GJB7: variants seen among roughly 807,000 people sequenced by gnomAD.
The protein encoded by GJB7 is gap junction protein beta 7, also known as gap junction beta-7 protein.
For missense variants in GJB7, 253 were observed against 256.8 expected, an observed-to-expected ratio of 0.99 and a Z score of 0.10; for synonymous variants, 87 against 95.2, an observed-to-expected ratio of 0.91 and a Z score of 0.50.
chr6:87,324,890 TC>T, intron 1 of GJB7, among the ~76,000 whole-genome samples: 1 of 152,362 alleles, frequency 6.6e-6, no homozygotes, highest in South Asian at 2.1e-4. Context: ...TGTTGATTCT[TC>T]CTACGCATGA....
At chr6:87,328,627 G>A (rs1051826238) in intron 1 of GJB7, among the ~76,000 whole-genome samples, 7 of 152,168 alleles carry the variant, frequency 4.6e-5, no homozygotes, top group African/African-American at 7.2e-5. Flanking sequence ...CTCCAGCTGC[G>A]TGCTGGGAGA....
chr6:87,305,479 G>A (rs186621691), intron 2 of GJB7, among the ~76,000 whole-genome samples: 5 of 152,174 alleles, frequency 3.3e-5, no homozygotes, highest in African/African-American at 1.2e-4. Flanking sequence ...GGGATGTGAA[G>A]GACCTCTTCA....
At chr6:87,297,939 G>A (rs144284256) in intron 2 of GJB7, among the ~76,000 whole-genome samples, 43 of 152,344 alleles carry the variant, frequency 2.8e-4, no homozygotes, top group African/African-American at 1.0e-3. Context: ...CCAGAGAAGG[G>A]CTTGTCTTGG....
At chr6:87,325,173 C>T (rs930555318) in intron 1 of GJB7, among the ~76,000 whole-genome samples, 1 of 152,128 alleles carries the variant, frequency 6.6e-6, no homozygotes, top group African/African-American at 2.4e-5. Context: ...TGGGCTGAGA[C>T]AATGGGGTTT....
chr6:87,308,596 T>G (rs976422218), intron 2 of GJB7, among the ~76,000 whole-genome samples: 8 of 152,110 alleles, frequency 5.3e-5, no homozygotes, highest in African/African-American at 1.9e-4. Context: ...ATATAAATCC[T>G]CAGAGTCCAA....
chr6:87,300,053 A>G, intron 2 of GJB7: 1 of 331,304 alleles, frequency 3.0e-6, no homozygotes, highest in Non-Finnish European at 5.9e-6. Flanking sequence ...GCTGCTGTTG[A>G]AGAAGGCATT....
chr6:87,313,232 AG>A (rs1256787929), intron 2 of GJB7, among the ~76,000 whole-genome samples: 3 of 152,218 alleles, frequency 2.0e-5, no homozygotes, highest in African/African-American at 7.2e-5. Context: ...AGGAGAAGAA[AG>A]GGGATAAAAA....
intron 2 of GJB7, among the ~76,000 whole-genome samples, chr6:87,319,152 ATAT>A (rs1473323011): frequency 5.3e-5 from 8 of 152,248 alleles, no homozygotes; most frequent in African/African-American, 1.2e-4. Context: ...TCTCCTGGAA[ATAT>A]TATTAAATAT....
At chr6:87,313,333 T>G (rs973617355) in intron 2 of GJB7, among the ~76,000 whole-genome samples, 7 of 152,222 alleles carry the variant, frequency 4.6e-5, no homozygotes, top group African/African-American at 1.7e-4. Context: ...TGGGACACCC[T>G]TTTAGGACTA....
intron 2 of GJB7, among the ~76,000 whole-genome samples, chr6:87,302,272 A>G (rs962735939): frequency 1.1e-4 from 17 of 150,016 alleles, no homozygotes; most frequent in African/African-American, 3.5e-4. Flanking sequence ...AGAAGCTAAA[A>G]GCCTTGAAAA....
chr6:87,324,896 G>A (rs144739741), intron 1 of GJB7, among the ~76,000 whole-genome samples: 41 of 152,214 alleles, frequency 2.7e-4, no homozygotes, highest in Non-Finnish European at 4.9e-4. Context: ...TTCTTCCTAC[G>A]CATGAGCATG....
At chr6:87,298,313 T>C (rs1166128368) in intron 2 of GJB7, among the ~76,000 whole-genome samples, 1 of 152,228 alleles carries the variant, frequency 6.6e-6, no homozygotes, top group Non-Finnish European at 1.5e-5. Context: ...CCTTAGGTTT[T>C]CACTGATATA....
intron 2 of GJB7, among the ~76,000 whole-genome samples, chr6:87,295,446 G>A (rs1776235961): frequency 6.6e-6 from 1 of 152,148 alleles, no homozygotes. Context: ...AGGGAAGAAT[G>A]GGGTGAAGGG....
At chr6:87,302,555 G>T (rs931979543) in intron 2 of GJB7, among the ~76,000 whole-genome samples, 1 of 152,206 alleles carries the variant, frequency 6.6e-6, no homozygotes, top group Non-Finnish European at 1.5e-5. Flanking sequence ...TGTCTGATTG[G>T]TATACCTCAA....
intron 2 of GJB7, among the ~76,000 whole-genome samples, chr6:87,307,891 A>G (rs1266226703): frequency 6.6e-6 from 1 of 152,226 alleles, no homozygotes; most frequent in Non-Finnish European, 1.5e-5. Context: ...TACCCAAAGG[A>G]TTATACATCA....
chr6:87,328,902 A>G lies in GJB7; in HGVS notation c.-206+236T>C, dbSNP rs1441955192. On this transcript the variant is annotated intron_variant, in intron 1 of 2. Transcript: ENST00000525899. Reference sequence around the variant, plus strand: ...CAGACTGCTGTGCTAGCAATCAGCCAGACTCCGTGGGCGTAGGACCCTCCG... The same window carrying G: ...CAGACTGCTGTGCTAGCAATCAGCCGGACTCCGTGGGCGTAGGACCCTCCG... Among the ~76,000 whole-genome samples, 3 of 152,314 alleles carry G rather than the reference A, an allele frequency of 2.0e-5. No homozygotes were observed. In the East Asian group the frequency reaches 5.8e-4, roughly 29 times the overall value.
intron 1 of GJB7, among the ~76,000 whole-genome samples, chr6:87,323,553 C>T (rs1321003317): frequency 6.6e-6 from 1 of 151,458 alleles, no homozygotes; most frequent in African/African-American, 2.4e-5. Context: ...CGATAGTTTA[C>T]TGAGAATGAT....
rs1354907503 is a variant in GJB7, at chr6:87,284,721, A to G, written c.192T>C (p.Cys64=). 1 of 1,614,022 alleles carries G rather than the reference A, an allele frequency of 6.2e-7. No homozygotes were observed. The highest frequency in any genetic ancestry group is 2.2e-5 in the East Asian group (1 of 44,888). Residue 64 remains cysteine (C), a synonymous_variant, in exon 3 of 3, where the codon TGT becomes TGC. Coordinates refer to ENST00000525899, the MANE Select transcript of GJB7 (RefSeq NM_198568.3). ...NSRQPGCKNV[C]FDDFFPISQV... ...GGGAAATGGGGAAGAAGTCATCAAAACACACATTTTTGCAACCGGGCTGTC... is the reference window on the plus strand; with the variant it reads ...GGGAAATGGGGAAGAAGTCATCAAAGCACACATTTTTGCAACCGGGCTGTC...
intron 2 of GJB7, among the ~76,000 whole-genome samples, chr6:87,290,769 T>G (rs1480691101): frequency 1.3e-5 from 2 of 152,212 alleles, no homozygotes; most frequent in Non-Finnish European, 2.9e-5. Flanking sequence ...AAATGTTTAC[T>G]GTTGTCGATG....
Sources: gnomAD v4.1 joint callset for allele counts (sites outside exome capture counted in the v4.1 genomes callset) on GRCh38, gnomAD v4.1.1 for gene constraint, MANE v1.5 for transcripts, NCBI Gene and HGNC (gene_info 2026-07-23, HGNC 2026-07-21) for gene names.